CAPN2: variants seen among roughly 807,000 people sequenced by gnomAD.
The protein encoded by CAPN2 is calpain-2 catalytic subunit.
Under a neutral mutation model 102.3 loss-of-function variants are expected in CAPN2, and 92 were observed. The observed-to-expected ratio is 0.90, with a 90% CI of 0.76 to 1.07. The LOEUF (loss-of-function observed/expected upper bound fraction) is 1.07, where lower values mean the gene tolerates loss of function less well. Ranked by LOEUF, CAPN2 falls within the 50% of genes least tolerant of loss-of-function variation. CAPN2 has a pLI of 0.00. For missense variants in CAPN2, 800 were observed against 909.4 expected, an observed-to-expected ratio of 0.88 and a Z score of 1.55; for synonymous variants, 340 against 355.4, an observed-to-expected ratio of 0.96 and a Z score of 0.49.
chr1:223,759,480 C>CT lies in CAPN2; in HGVS notation c.1528_1529insT (p.Gln510LeufsTer5), dbSNP rs780802576. 3.1e-6 allele frequency: 5 copies of CT among 1,613,486 alleles called. No individual in the cohort carries two copies. In the African/African-American group the frequency reaches 6.7e-5, roughly 22 times the overall value. On this transcript the variant is annotated frameshift_variant and splice_region_variant, in exon 12 of 21. Transcript: ENST00000295006. LOFTEE classifies it high-confidence loss of function. This position sits in a 1 kb window ranked among gnomAD's most constrained non-coding sequence, Gnocchi z 4.6. ...CTTTTCTGAAAAGAAAGCTGACTAC[C>CT]AGTAGGCGGTTTGGTCCCTTCCTCT... is the stretch of plus-strand genomic sequence containing the variant.
chr1:223,722,802 T>C (rs938633686), intron 2 of CAPN2, among the ~76,000 whole-genome samples: 3 of 152,148 alleles, frequency 2.0e-5, no homozygotes, highest in Non-Finnish European at 4.4e-5. Flanking sequence ...ATTGATGCAG[T>C]ATTATTAAAG....
chr1:223,703,344 A>G (rs550655603), intron 1 of CAPN2, among the ~76,000 whole-genome samples: 3 of 150,686 alleles, frequency 2.0e-5, no homozygotes, highest in African/African-American at 7.3e-5. Context: ...GGGTCTCTCT[A>G]TGTTGTGCAG....
intron 15 of CAPN2, 70 bp from the exon 16 acceptor site, chr1:223,766,297 T>C: frequency 1.8e-6 from 2 of 1,130,832 alleles, no homozygotes; most frequent in Non-Finnish European, 1.4e-6. Context: ...AATATCTCCA[T>C]GATTGTGGAA....
chr1:223,746,631 C>T (rs1166514107), intron 4 of CAPN2, among the ~76,000 whole-genome samples: 1 of 152,054 alleles, frequency 6.6e-6, no homozygotes, highest in South Asian at 2.1e-4. Flanking sequence ...GCATGCACCA[C>T]CATGCCCAGC....
At chr1:223,752,093 G>C in intron 8 of CAPN2, 22 bp downstream of exon 8, 3 of 1,546,506 alleles carry the variant, frequency 1.9e-6, no homozygotes, top group Non-Finnish European at 2.7e-6. Flanking sequence ...GGAGGCTTCA[G>C]GGAAAGCTCT....
intron 9 of CAPN2, among the ~76,000 whole-genome samples, 156 bp downstream of exon 9, chr1:223,753,112 T>C (rs1442458348): frequency 6.7e-6 from 1 of 150,070 alleles, no homozygotes; most frequent in East Asian, 1.9e-4. Flanking sequence ...CCCTGAGCCT[T>C]TTCTTTTCCC....
At chr1:223,749,852 A>C (rs1374639983) in intron 6 of CAPN2, among the ~76,000 whole-genome samples, 2 of 151,886 alleles carry the variant, frequency 1.3e-5, no homozygotes, top group Non-Finnish European at 2.9e-5. Flanking sequence ...CTGTCTCTAC[A>C]AAAAAAAGTT....
At chr1:223,720,315 CTT>C (rs35138708) in intron 2 of CAPN2, among the ~76,000 whole-genome samples, 7 of 107,466 alleles carry the variant, frequency 6.5e-5, no homozygotes, top group East Asian at 2.7e-4. Flanking sequence ...CTCTTTCTCT[CTT>C]TTTTTTTTTT....
At chr1:223,739,189 T>TC (rs1252146352) in intron 2 of CAPN2, among the ~76,000 whole-genome samples, 1 of 150,560 alleles carries the variant, frequency 6.6e-6, no homozygotes, top group Non-Finnish European at 1.5e-5. Flanking sequence ...CAGATTTTTT[T>TC]TTTTTTTTTT....
intron 5 of CAPN2, among the ~76,000 whole-genome samples, chr1:223,748,703 A>C (rs968254872): frequency 8.2e-5 from 12 of 146,880 alleles, no homozygotes; most frequent in Non-Finnish European, 1.5e-4. Context: ...GCCATCGAGG[A>C]CCCCCTCCAG....
chr1:223,717,133 G>A (rs1254653054), intron 1 of CAPN2, among the ~76,000 whole-genome samples: 1 of 152,146 alleles, frequency 6.6e-6, no homozygotes, highest in Non-Finnish European at 1.5e-5. Context: ...TCCCATGGAA[G>A]AATTCAAAAG....
chr1:223,732,436 T>C (rs1233998594), intron 2 of CAPN2, among the ~76,000 whole-genome samples: 3 of 152,228 alleles, frequency 2.0e-5, no homozygotes, highest in Non-Finnish European at 4.4e-5. Context: ...ATGCCTCCTC[T>C]TTTTAGATCA....
Position 223,755,514 on chromosome 1 carries a change from G to C in CAPN2, c.1170G>C (p.Lys390Asn). ...GGATGAACCCTCAGTACCTGATCAAGCTGGAGGAGGAGGATGAGGACGAGG... is the reference window on the plus strand; with the variant it reads ...GGATGAACCCTCAGTACCTGATCAACCTGGAGGAGGAGGATGAGGACGAGG... ...TFWMNPQYLI[K>N]LEEEDEDEED... Residue 390 changes from lysine to asparagine, a missense_variant, in exon 10 of 21, where the codon AAG becomes AAC. By Grantham distance (94) the Lys-to-Asn change is moderately conservative. Coordinates refer to ENST00000295006, the MANE Select transcript of CAPN2 (RefSeq NM_001748.5). This position sits in a 1 kb window ranked among gnomAD's most constrained non-coding sequence, Gnocchi z 4.1. 1 of 1,614,104 alleles carries C rather than the reference G, an allele frequency of 6.2e-7. No homozygotes were observed. Among genetic ancestry groups the C allele is most frequent in the Non-Finnish European group, 8.5e-7 (1 of 1,180,014 alleles).
chr1:223,705,667 C>T (rs1659586708), intron 1 of CAPN2, among the ~76,000 whole-genome samples: 1 of 152,168 alleles, frequency 6.6e-6, no homozygotes, highest in African/African-American at 2.4e-5. Context: ...GTGGTGCTGA[C>T]ATCTGAGGTG....
chr1:223,763,340 G>A (rs757385048), intron 14 of CAPN2, among the ~76,000 whole-genome samples: 5 of 152,130 alleles, frequency 3.3e-5, no homozygotes, highest in Middle Eastern at 6.8e-3. Flanking sequence ...CGCCTCCACC[G>A]GCCTCTCACC....
intron 7 of CAPN2, among the ~76,000 whole-genome samples, chr1:223,751,390 A>G (rs1475914329): frequency 6.6e-6 from 1 of 152,244 alleles, no homozygotes; most frequent in Non-Finnish European, 1.5e-5. Flanking sequence ...ACTGGTAGGC[A>G]TGTTGAACCC....
At chr1:223,769,284 CTGA>C (rs142615367) in intron 16 of CAPN2, among the ~76,000 whole-genome samples, 1,560 of 151,424 alleles carry the variant, frequency 0.01, 34 homozygotes, top group African/African-American at 0.037. Context: ...CCATGCCCAG[CTGA>C]TTTTTCTATT....
At chr1:223,764,310 C>A in intron 15 of CAPN2, 103 bp downstream of exon 15, 1 of 898,682 alleles carries the variant, frequency 1.1e-6, no homozygotes, top group Non-Finnish European at 1.9e-6. Context: ...TGTGACTAAA[C>A]CACCACCCTC....
At chr1:223,710,940 C>A (rs759801218), upstream of CAPN2, among the ~76,000 whole-genome samples, 3 of 151,992 alleles carry the variant, frequency 2.0e-5, no homozygotes, top group Non-Finnish European at 4.4e-5. Context: ...TGCACCCCAA[C>A]CACCTCGGGC....
Sources: gnomAD v4.1 joint callset for allele counts (sites outside exome capture counted in the v4.1 genomes callset) on GRCh38, gnomAD v4.1.1 for gene constraint, Gnocchi (gnomAD v3.1) non-coding constraint, MANE v1.5 for transcripts, NCBI Gene and HGNC (gene_info 2026-07-23, HGNC 2026-07-21) for gene names.